CNTNAP2: variants seen among roughly 807,000 people sequenced by gnomAD.
CNTNAP2 encodes contactin-associated protein-like 2.
In CNTNAP2, 98 loss-of-function variants were observed where a neutral mutation model predicts 155.2. The ratio of observed to expected loss-of-function variants is 0.63; its 90% confidence interval spans 0.54 to 0.75. The LOEUF (loss-of-function observed/expected upper bound fraction) is 0.75, where lower values mean the gene tolerates loss of function less well. Ranked by LOEUF, CNTNAP2 falls within the 30% of genes least tolerant of loss-of-function variation. The pLI, the probability that CNTNAP2 is intolerant of heterozygous loss-of-function variation, is 0.00. For missense variants in CNTNAP2, 1,727 were observed against 1,688.1 expected (o/e 1.02, Z -0.40); for synonymous variants, 651 against 631.2 (o/e 1.03, Z -0.47).
chr7:146,852,903 G>T (rs958456959), intron 3 of CNTNAP2, among the ~76,000 whole-genome samples: 12 of 152,108 alleles, frequency 7.9e-5, no homozygotes, highest in African/African-American at 2.9e-4. Context: ...AAGCACAATT[G>T]TTCATTCTAT....
chr7:146,357,813 C>T (rs539041711), intron 1 of CNTNAP2, among the ~76,000 whole-genome samples: 3 of 151,640 alleles, frequency 2.0e-5, no homozygotes, highest in Admixed American at 2.0e-4. Flanking sequence ...AAAATTGATC[C>T]CTTGACTTAA....
intron 10 of CNTNAP2, among the ~76,000 whole-genome samples, chr7:147,459,463 T>C (rs1201266296): frequency 1.3e-5 from 2 of 152,122 alleles, no homozygotes; most frequent in African/African-American, 4.8e-5. Flanking sequence ...TTTGCAGATG[T>C]GACTAAATTA....
At chr7:147,121,473 C>T (rs889637347) in intron 6 of CNTNAP2, 2 of 300,812 alleles carry the variant, frequency 6.6e-6, no homozygotes, top group Non-Finnish European at 1.3e-5. Context: ...GGTAGTTAAT[C>T]ATGTTATCAA....
At chr7:146,606,057 A>G (rs953095446) in intron 1 of CNTNAP2, among the ~76,000 whole-genome samples, 5 of 152,196 alleles carry the variant, frequency 3.3e-5, no homozygotes, top group Admixed American at 2.0e-4. Context: ...ATATGTATGT[A>G]TACATTTTTA....
intron 2 of CNTNAP2, among the ~76,000 whole-genome samples, chr7:146,797,813 ATC>A (rs1275792513): frequency 2.0e-5 from 3 of 152,236 alleles, no homozygotes; most frequent in African/African-American, 7.2e-5. Context: ...ACCATTTATC[ATC>A]TCTTTCTCTG....
intron 1 of CNTNAP2, among the ~76,000 whole-genome samples, chr7:146,336,583 A>G (rs1401003385): frequency 1.3e-5 from 2 of 152,166 alleles, no homozygotes; most frequent in Non-Finnish European, 2.9e-5. Flanking sequence ...AACTAAAAAT[A>G]TTTCATCTAC....
At chr7:147,476,858 G>A (rs1798329436) in intron 10 of CNTNAP2, among the ~76,000 whole-genome samples, 1 of 151,800 alleles carries the variant, frequency 6.6e-6, no homozygotes, top group Admixed American at 6.6e-5. Context: ...AACCTAGGAG[G>A]CGGAGGTTGC....
intron 8 of CNTNAP2, among the ~76,000 whole-genome samples, chr7:147,218,629 G>A (rs949009638): frequency 6.6e-6 from 1 of 151,672 alleles, no homozygotes. Context: ...TTGTCAAGGT[G>A]TGTTTTATTG....
chr7:146,730,407 T>G (rs760263038), intron 1 of CNTNAP2, among the ~76,000 whole-genome samples: 1 of 152,158 alleles, frequency 6.6e-6, no homozygotes, highest in African/African-American at 2.4e-5. Flanking sequence ...CATCCCATTT[T>G]ATAACATTGT....
At chr7:147,095,053 T>G (rs1584838213) in intron 4 of CNTNAP2, among the ~76,000 whole-genome samples, 1 of 151,364 alleles carries the variant, frequency 6.6e-6, no homozygotes, top group Admixed American at 6.6e-5. Flanking sequence ...AGAGTCTTGC[T>G]CTGTCACCCA....
chr7:147,608,460 T>C (rs1435977096), intron 12 of CNTNAP2, among the ~76,000 whole-genome samples: 2 of 152,022 alleles, frequency 1.3e-5, no homozygotes, highest in Non-Finnish European at 2.9e-5. Context: ...CTACATTTTA[T>C]TATTTATTTT....
intron 13 of CNTNAP2, among the ~76,000 whole-genome samples, chr7:147,786,600 G>A (rs1797743751): frequency 1.3e-5 from 2 of 152,208 alleles, no homozygotes; most frequent in Non-Finnish European, 2.9e-5. Context: ...AGTGCAGTTA[G>A]TACAGAGTGG....
chr7:147,972,902 GT>G (rs1801358420), intron 14 of CNTNAP2, among the ~76,000 whole-genome samples: 1 of 152,092 alleles, frequency 6.6e-6, no homozygotes, highest in African/African-American at 2.4e-5. Flanking sequence ...AACCAAATTG[GT>G]TGTGGAGGCT....
At chr7:146,935,577 A>G (rs1796897257) in intron 3 of CNTNAP2, among the ~76,000 whole-genome samples, 1 of 152,214 alleles carries the variant, frequency 6.6e-6, no homozygotes, top group East Asian at 1.9e-4. Flanking sequence ...ATGATTAGAA[A>G]TGTATCCCTC....
At chr7:147,786,891 C>T (rs1034221399) in intron 13 of CNTNAP2, among the ~76,000 whole-genome samples, 1 of 151,934 alleles carries the variant, frequency 6.6e-6, no homozygotes, top group Non-Finnish European at 1.5e-5. Context: ...ATATGTGGAG[C>T]CCAGGATTTC....
At chr7:147,857,433 A>C (rs1799057718) in intron 13 of CNTNAP2, among the ~76,000 whole-genome samples, 1 of 152,202 alleles carries the variant, frequency 6.6e-6, no homozygotes, top group Non-Finnish European at 1.5e-5. Context: ...CTATTCACTC[A>C]ATTTGAAAAA....
intron 1 of CNTNAP2, among the ~76,000 whole-genome samples, chr7:146,767,221 T>C (rs1802211424): frequency 6.6e-6 from 1 of 152,166 alleles, no homozygotes; most frequent in South Asian, 2.1e-4. Flanking sequence ...CCTAGCACTC[T>C]AGTATTTTCT....
At chr7:148,331,026 TG>T (rs1797991977) in intron 21 of CNTNAP2, among the ~76,000 whole-genome samples, 1 of 142,804 alleles carries the variant, frequency 7.0e-6, no homozygotes, top group South Asian at 2.3e-4. Context: ...GACAGATGGA[TG>T]GAGTGGATGG....
At chr7:147,078,216 C>A (rs535424349) in intron 4 of CNTNAP2, among the ~76,000 whole-genome samples, 52 of 152,260 alleles carry the variant, frequency 3.4e-4, no homozygotes, top group African/African-American at 1.2e-3. Context: ...ATGAAAATAA[C>A]CCTGACAATG....
Sources: gnomAD v4.1 joint callset for allele counts (sites outside exome capture counted in the v4.1 genomes callset) on GRCh38, gnomAD v4.1.1 for gene constraint, MANE v1.5 for transcripts, NCBI Gene and HGNC (gene_info 2026-07-23, HGNC 2026-07-21) for gene names.